The following SPTAN1 variants were observed in gnomAD, a reference collection of about 807,000 sequenced individuals.
SPTAN1 encodes the protein spectrin alpha chain, non-erythrocytic 1.
In SPTAN1, 61 loss-of-function variants were observed where a neutral mutation model predicts 331.3. The ratio of observed to expected loss-of-function variants is 0.18; its 90% CI spans 0.15 to 0.23. SPTAN1 has a LOEUF of 0.23. SPTAN1 is among the 10% of genes least tolerant of loss of function. The pLI, the probability that SPTAN1 is intolerant of heterozygous loss-of-function variation, is 1.00. For synonymous variants in SPTAN1, 1,153 were observed against 1,173.9 expected, an observed-to-expected ratio of 0.98 and a Z score of 0.36; for missense variants, 2,043 against 3,147.9, an observed-to-expected ratio of 0.65 and a Z score of 8.40.
chr9:128,556,009 C>G (rs1293613677), intron 1 of SPTAN1, among the ~76,000 whole-genome samples: 1 of 152,026 alleles, frequency 6.6e-6, no homozygotes, highest in Non-Finnish European at 1.5e-5. Context: ...ATCACTTGGT[C>G]AGGAGTTCAA....
chr9:128,582,609 C>G, intron 13 of SPTAN1, 53 bp downstream of exon 13: 1 of 1,611,080 alleles, frequency 6.2e-7, no homozygotes, highest in Non-Finnish European at 8.5e-7. Flanking sequence ...AATGTCTCTT[C>G]TAAGATGTTC....
Position 128,570,948 on chromosome 9 carries a change from G to A in SPTAN1, c.363+2051G>A, listed in dbSNP as rs569791769. Among the ~76,000 whole-genome samples, 24 of 152,122 alleles carry A rather than the reference G, an allele frequency of 1.6e-4. No homozygotes were observed. The East Asian group carries it at 1.9e-3, about 12-fold the overall frequency. On this transcript the variant is annotated intron_variant, in intron 3 of 56. Transcript: ENST00000372739. ...AGTGCTGCGATTACAGGCATGAGCC[G>A]CCGCTCCTGGCCTAGATAGCTTATT...
intron 28 of SPTAN1, 93 bp downstream of exon 28, chr9:128,603,683 G>A (rs996571169): frequency 5.4e-6 from 8 of 1,480,334 alleles, no homozygotes; most frequent in Admixed American, 3.3e-5. Context: ...CTTGTCAACC[G>A]GGTGACCTGT....
intron 1 of SPTAN1, chr9:128,553,404 ACTTAATAGCT>A (rs1003921628): frequency 3.8e-3 from 2 of 532 alleles, no homozygotes; most frequent in Non-Finnish European, 0.062. Flanking sequence ...AAATCAAATA[ACTTAATAGCT>A]TAGCGTTCTT....
At chr9:128,561,490 C>T (rs1713732481) in intron 1 of SPTAN1, among the ~76,000 whole-genome samples, 1 of 149,592 alleles carries the variant, frequency 6.7e-6, no homozygotes, top group African/African-American at 2.5e-5. Context: ...GGTGAAACCC[C>T]ATCTCTGCTA....
At chr9:128,598,733 C>T in intron 25 of SPTAN1, 2 of 638,832 alleles carry the variant, frequency 3.1e-6, no homozygotes, top group Non-Finnish European at 5.5e-6. Context: ...TCTCCGTAAG[C>T]TCATTAAATA....
At position 128,598,386 on chromosome 9, in the gene SPTAN1, C is replaced by G; in HGVS notation, c.3415-14C>G. 1 of 1,605,328 alleles carries G rather than the reference C, an allele frequency of 6.2e-7. No homozygotes were observed. The highest frequency in any genetic ancestry group is 1.1e-5 in the South Asian group (1 of 90,020). On this transcript the variant is annotated splice_polypyrimidine_tract_variant and intron_variant, in intron 24 of 56. Coordinates refer to ENST00000372739, the MANE Select transcript of SPTAN1 (RefSeq NM_001130438.3). The stretch of plus-strand genomic sequence containing the variant: ...CTATTTTGGGTTTTAGTTATTATGG[C>G]TTTTGCTTTAAAGGACCTGAAGGCC...
At position 128,608,279 on chromosome 9, in the gene SPTAN1, G is replaced by A. The variant is rs779214627; in HGVS notation, c.4491+3G>A. The A allele has an allele frequency of 3.1e-6, 5 of 1,614,162 alleles. No homozygotes were observed. The highest frequency in any genetic ancestry group is 1.7e-6 in the Non-Finnish European group (2 of 1,180,034). ...TTGACAAAGCGATTAACGTCCAGGT[G>A]AGGCCTCTGGACCATGGAGTTGGAG... On this transcript the variant is annotated splice_donor_region_variant and intron_variant, in intron 34 of 56. Transcript: ENST00000372739.
intron 1 of SPTAN1, among the ~76,000 whole-genome samples, chr9:128,557,638 C>T (rs1848790692): frequency 6.6e-6 from 1 of 151,662 alleles, no homozygotes; most frequent in Admixed American, 6.6e-5. Flanking sequence ...CCAAGAACTG[C>T]CTCAAACAGC....
chr9:128,564,012 C>T (rs916043787), intron 1 of SPTAN1, among the ~76,000 whole-genome samples: 54 of 151,988 alleles, frequency 3.6e-4, no homozygotes, highest in African/African-American at 1.3e-3. Context: ...GTGGCTTACA[C>T]CTGTAATCTT....
Position 128,632,941 on chromosome 9 carries a change from G to A in SPTAN1, c.7294G>A (p.Glu2432Lys), listed in dbSNP as rs1860023020. 7 of 1,612,614 alleles carry A rather than the reference G, an allele frequency of 4.3e-6. No homozygotes were observed. Among genetic ancestry groups the A allele is most frequent in the Non-Finnish European group, 5.9e-6 (7 of 1,180,044 alleles). Residue 2432 changes from glutamate (E) to lysine (K), a missense_variant, in exon 56 of 57, where the codon GAG becomes AAG. Glu to Lys is a moderately conservative substitution (Grantham distance 56). Transcript: ENST00000372739. ...SSEGKPYVTK[E>K]ELYQNLTREQ... ...AGAGGGAAAGCCTTACGTGACCAAG[G>A]AGGAGCTCTACCAGGTATGGGCCTC...
rs1336849990 is a variant in SPTAN1, at chr9:128,588,889, A to G, written c.2952A>G (p.Arg984=). 5 of 1,614,172 alleles carry G rather than the reference A, an allele frequency of 3.1e-6. No individual in the cohort carries two copies. Among genetic ancestry groups the G allele is most frequent in the Non-Finnish European group, 4.2e-6 (5 of 1,180,028 alleles). Reference sequence around the variant, plus strand: ...ACGACTATCAGGAGAAGAGTCCCCGAGAGGTCACCATGAAGAAGGGAGATA... The same window carrying G: ...ACGACTATCAGGAGAAGAGTCCCCGGGAGGTCACCATGAAGAAGGGAGATA... ...ALYDYQEKSP[R]EVTMKKGDIL... is the part of the protein sequence containing the mutation. The change falls in exon 21 of 57, where the codon CGA becomes CGG. Residue 984 remains arginine, a synonymous_variant. Transcript: ENST00000372739.
At position 128,621,207 on chromosome 9, in the gene SPTAN1, A is replaced by G; in HGVS notation, c.5783A>G (p.Lys1928Arg). The G allele has an allele frequency of 6.2e-7, 1 of 1,614,122 alleles. No individual in the cohort carries two copies. The highest frequency in any genetic ancestry group is 1.3e-5 in the African/African-American group (1 of 75,046). The change falls in exon 45 of 57, where the codon AAG (lysine) becomes AGG (arginine). Residue 1928 changes from lysine (K) to arginine (R), a missense_variant. Lys to Arg is a conservative substitution (Grantham distance 26). This residue lies in a region of SPTAN1 where 323 missense variants were observed against 581.1 expected (regional missense o/e 0.56). Coordinates refer to ENST00000372739, the MANE Select transcript of SPTAN1 (RefSeq NM_001130438.3). ...EAFETDFTVH[K>R]DRVNDVCTNG... ...TTTGAGACAGACTTCACCGTCCACAAGGATCGCGTGAATGATGTCTGCACC... is the reference window on the plus strand; with the variant it reads ...TTTGAGACAGACTTCACCGTCCACAGGGATCGCGTGAATGATGTCTGCACC...
intron 29 of SPTAN1, 65 bp downstream of exon 29, chr9:128,604,482 CAA>C: frequency 6.6e-7 from 1 of 1,505,120 alleles, no homozygotes; most frequent in Non-Finnish European, 9.1e-7. Flanking sequence ...TGACAGCCCC[CAA>C]GCTTGCTGAC....
In SPTAN1 at chr9:128,572,972, T is replaced by G. The variant is rs770562548; in HGVS notation, c.364-1703T>G. On this transcript the variant is annotated intron_variant, in intron 3 of 56. Coordinates refer to ENST00000372739, the MANE Select transcript of SPTAN1 (RefSeq NM_001130438.3). ...TCCTCTGCTGCTTTCTCCTTTCAAG[T>G]AAAACATCCACACTTGTTTCTAAGA... Among the ~76,000 whole-genome samples, 6 of 152,206 alleles carry G rather than the reference T, an allele frequency of 3.9e-5. No homozygotes were observed. The South Asian group carries it at 8.3e-4, about 21-fold the overall frequency.
chr9:128,561,370 C>CAA (rs1362490259), intron 1 of SPTAN1, among the ~76,000 whole-genome samples: 2 of 81,618 alleles, frequency 2.5e-5, no homozygotes, highest in Non-Finnish European at 2.5e-5. Flanking sequence ...GACTCCATCT[C>CAA]AAAAAAAAAA....
At chr9:128,601,599 G>C (rs1855162179) in intron 27 of SPTAN1, among the ~76,000 whole-genome samples, 1 of 152,136 alleles carries the variant, frequency 6.6e-6, no homozygotes, top group Non-Finnish European at 1.5e-5. Flanking sequence ...AAGAAAAAAA[G>C]TAGGCCTTCT....
At chr9:128,632,976 G>T (rs542116995) in intron 56 of SPTAN1, 21 bp downstream of exon 56, 1 of 1,609,092 alleles carries the variant, frequency 6.2e-7, no homozygotes, top group Non-Finnish European at 8.5e-7. Context: ...CAGGAGGTGG[G>T]TGAAGAGGTG....
chr9:128,594,804 C>CTTTTTTTTTTTTTT (rs10594067), intron 24 of SPTAN1, among the ~76,000 whole-genome samples: 2 of 90,556 alleles, frequency 2.2e-5, no homozygotes, highest in Non-Finnish European at 2.2e-5. Flanking sequence ...ATGTATGTAG[C>CTTTTTTTTTTTTTT]TTTTTTTTTT....
Sources: allele counts gnomAD v4.1 joint callset (sites outside exome capture counted in the v4.1 genomes callset), GRCh38; gene constraint gnomAD v4.1.1; regional missense constraint gnomAD v4.1.1; transcripts MANE v1.5; gene names NCBI Gene and HGNC (gene_info 2026-07-23, HGNC 2026-07-21).